The following CCSER1 variants were observed in gnomAD, a reference collection of about 807,000 sequenced individuals.
CCSER1 encodes coiled-coil serine rich protein 1, also known as serine-rich coiled-coil domain-containing protein 1.
In CCSER1, 41 loss-of-function variants were observed where a neutral mutation model predicts 82.0. The ratio of observed to expected loss-of-function variants is 0.50; its 90% CI spans 0.39 to 0.65. The LOEUF (loss-of-function observed/expected upper bound fraction) is 0.65. Ranked by LOEUF, CCSER1 falls within the 30% of genes least tolerant of loss-of-function variation. The pLI, the probability that CCSER1 is intolerant of heterozygous loss-of-function variation, is 0.00. For missense variants in CCSER1, 1,119 were observed against 1,064.2 expected, an observed-to-expected ratio of 1.05 and a Z score of -0.72; for synonymous variants, 414 against 383.9, an observed-to-expected ratio of 1.08 and a Z score of -0.92.
intron 4 of CCSER1, among the ~76,000 whole-genome samples, chr4:90,422,679 A>C (rs1179802468): frequency 1.3e-5 from 2 of 152,144 alleles, no homozygotes; most frequent in Non-Finnish European, 1.5e-5. Context: ...CAAACAAAAA[A>C]ACACCAGATA....
intron 5 of CCSER1, among the ~76,000 whole-genome samples, chr4:90,603,548 G>T: frequency 6.6e-6 from 1 of 152,174 alleles, no homozygotes; most frequent in East Asian, 1.9e-4. Context: ...GTATATAGAT[G>T]AAGGAGAGTG....
intron 9 of CCSER1, among the ~76,000 whole-genome samples, chr4:91,061,734 TAAG>T (rs1359965799): frequency 6.6e-6 from 1 of 152,076 alleles, no homozygotes; most frequent in Non-Finnish European, 1.5e-5. Flanking sequence ...ATTTGAATAA[TAAG>T]CAAATAAAGT....
At chr4:91,207,671 A>G (rs1478197920) in intron 10 of CCSER1, among the ~76,000 whole-genome samples, 2 of 151,936 alleles carry the variant, frequency 1.3e-5, no homozygotes, top group African/African-American at 4.8e-5. Flanking sequence ...TGCTACTGTG[A>G]ATAGTGCTGC....
At chr4:91,313,457 T>C (rs898567002) in intron 10 of CCSER1, among the ~76,000 whole-genome samples, 1 of 151,906 alleles carries the variant, frequency 6.6e-6, no homozygotes, top group African/African-American at 2.4e-5. Context: ...GCTGATACTC[T>C]CAAGATTTCA....
chr4:91,182,579 A>G (rs1337718512), intron 10 of CCSER1, among the ~76,000 whole-genome samples: 3 of 152,194 alleles, frequency 2.0e-5, no homozygotes, highest in African/African-American at 7.2e-5. Flanking sequence ...TGAGAATTGT[A>G]TGGGATACCA....
intron 10 of CCSER1, among the ~76,000 whole-genome samples, chr4:91,595,925 T>TAAAC (rs1162946092): frequency 8.0e-5 from 5 of 62,324 alleles, no homozygotes; most frequent in African/African-American, 3.6e-4. Flanking sequence ...GAGATAATAG[T>TAAAC]AAATATCACA....
chr4:91,477,489 T>C (rs1423599284), intron 10 of CCSER1, among the ~76,000 whole-genome samples: 2 of 151,718 alleles, frequency 1.3e-5, no homozygotes, highest in Admixed American at 1.3e-4. Flanking sequence ...ATTTTTTTTA[T>C]TAATACTTCT....
At chr4:90,528,041 A>T (rs1156239184) in intron 5 of CCSER1, among the ~76,000 whole-genome samples, 2 of 152,138 alleles carry the variant, frequency 1.3e-5, no homozygotes, top group Non-Finnish European at 2.9e-5. Context: ...ACAAGCAGTT[A>T]TTTATAACAA....
chr4:91,521,686 A>T (rs573360669), intron 10 of CCSER1, among the ~76,000 whole-genome samples: 1 of 152,326 alleles, frequency 6.6e-6, no homozygotes, highest in East Asian at 1.9e-4. Flanking sequence ...TTCTTTTGAG[A>T]AATGCCTGTT....
chr4:90,979,084 A>G (rs1006093683), intron 9 of CCSER1, among the ~76,000 whole-genome samples: 2 of 151,648 alleles, frequency 1.3e-5, no homozygotes, highest in Admixed American at 1.3e-4. Context: ...TCTAAGTTAT[A>G]CTTTCTGATG....
chr4:90,996,252 T>C (rs1737483867), intron 9 of CCSER1, among the ~76,000 whole-genome samples: 1 of 152,196 alleles, frequency 6.6e-6, no homozygotes, highest in Non-Finnish European at 1.5e-5. Flanking sequence ...CTATAATGAA[T>C]GGTATTTTAA....
intron 6 of CCSER1, among the ~76,000 whole-genome samples, chr4:90,709,686 G>A (rs974080800): frequency 2.7e-4 from 41 of 152,086 alleles, no homozygotes; most frequent in Admixed American, 6.6e-4. Flanking sequence ...GTCTATCATT[G>A]ATGGGCATTT....
intron 10 of CCSER1, among the ~76,000 whole-genome samples, chr4:91,579,582 GGAAA>G (rs1763632928): frequency 6.6e-6 from 1 of 151,776 alleles, no homozygotes; most frequent in African/African-American, 2.4e-5. Context: ...AGTGGCTGAT[GGAAA>G]GAAAGGGTGA....
At chr4:90,501,361 A>G (rs1250722173) in intron 5 of CCSER1, among the ~76,000 whole-genome samples, 1 of 152,216 alleles carries the variant, frequency 6.6e-6, no homozygotes, top group Non-Finnish European at 1.5e-5. Context: ...ATGTGTTGAC[A>G]TAAAATGAGA....
At chr4:90,750,564 G>T (rs963697678) in intron 7 of CCSER1, among the ~76,000 whole-genome samples, 1 of 152,140 alleles carries the variant, frequency 6.6e-6, no homozygotes, top group Non-Finnish European at 1.5e-5. Flanking sequence ...TTCTTCAGCT[G>T]CTGCCAGCTC....
intron 10 of CCSER1, among the ~76,000 whole-genome samples, chr4:91,406,449 A>G (rs989745046): frequency 3.3e-5 from 5 of 152,148 alleles, no homozygotes; most frequent in African/African-American, 7.2e-5. Flanking sequence ...AGTAATAGCC[A>G]TCTTGCCAAT....
At chr4:91,191,305 T>G (rs1734975420) in intron 10 of CCSER1, among the ~76,000 whole-genome samples, 1 of 152,192 alleles carries the variant, frequency 6.6e-6, no homozygotes, top group African/African-American at 2.4e-5. Context: ...TTCCACTGAC[T>G]GTTCTTATAT....
At chr4:90,645,109 C>T (rs1201589489) in intron 6 of CCSER1, among the ~76,000 whole-genome samples, 2 of 151,190 alleles carry the variant, frequency 1.3e-5, no homozygotes, top group Non-Finnish European at 3.0e-5. Context: ...AAAAAAGACA[C>T]GATCTCATTC....
intron 9 of CCSER1, among the ~76,000 whole-genome samples, chr4:90,999,077 G>T (rs1237377570): frequency 6.6e-6 from 1 of 152,052 alleles, no homozygotes; most frequent in African/African-American, 2.4e-5. Context: ...ATTTTTCATG[G>T]CTCCATAGTA....
Sources: allele counts gnomAD v4.1 joint callset (sites outside exome capture counted in the v4.1 genomes callset), GRCh38; gene constraint gnomAD v4.1.1; transcripts MANE v1.5; gene names NCBI Gene and HGNC (gene_info 2026-07-23, HGNC 2026-07-21).